CAMTA1: variants seen among roughly 807,000 people sequenced by gnomAD.
CAMTA1 encodes calmodulin binding transcription activator 1.
Under a neutral mutation model 170.9 loss-of-function variants are expected in CAMTA1, and 27 were observed. That is an observed-to-expected ratio of 0.16 (90% confidence interval 0.12 to 0.22). CAMTA1 has a LOEUF of 0.22. Ranked by LOEUF, CAMTA1 falls within the 10% of genes least tolerant of loss-of-function variation. The pLI is 1.00. For synonymous variants in CAMTA1, 833 were observed against 891.5 expected, an observed-to-expected ratio of 0.93 and a Z score of 1.17; for missense variants, 1,619 against 2,217.2, an observed-to-expected ratio of 0.73 and a Z score of 5.42.
intron 4 of CAMTA1, among the ~76,000 whole-genome samples, chr1:7,140,984 A>T (rs1645857235): frequency 6.6e-6 from 1 of 152,192 alleles, no homozygotes; most frequent in East Asian, 1.9e-4. Flanking sequence ...CTACCGACAG[A>T]AGATGAAGTA....
intron 3 of CAMTA1, among the ~76,000 whole-genome samples, chr1:6,854,717 T>C (rs1661644998): frequency 1.3e-5 from 2 of 152,144 alleles, no homozygotes; most frequent in Non-Finnish European, 2.9e-5. Flanking sequence ...ATTTGAAAAA[T>C]TGATCAGTAT....
chr1:6,828,616 T>C (rs537937640), intron 3 of CAMTA1, among the ~76,000 whole-genome samples: 21 of 152,162 alleles, frequency 1.4e-4, no homozygotes, highest in African/African-American at 4.6e-4. Context: ...TGAGCACCTG[T>C]TCTTTACTAC....
intron 3 of CAMTA1, among the ~76,000 whole-genome samples, chr1:6,919,610 G>A (rs1681551555): frequency 1.3e-5 from 2 of 152,304 alleles, no homozygotes; most frequent in Non-Finnish European, 2.9e-5. Flanking sequence ...GAACGCTGGT[G>A]GGTGTATTAG....
intron 5 of CAMTA1, among the ~76,000 whole-genome samples, chr1:7,344,784 G>T (rs953937522): frequency 1.2e-4 from 18 of 144,584 alleles, no homozygotes; most frequent in Non-Finnish European, 2.3e-4. Flanking sequence ...GTCTCGCTCT[G>T]TTGCCCAGGC....
At chr1:6,995,603 A>G (rs1697136834) in intron 3 of CAMTA1, among the ~76,000 whole-genome samples, 1 of 152,140 alleles carries the variant, frequency 6.6e-6, no homozygotes. Flanking sequence ...CACCTGGCCT[A>G]AAATCTTTGT....
chr1:7,107,282 G>GTA (rs1643693130), intron 4 of CAMTA1, among the ~76,000 whole-genome samples: 8 of 150,584 alleles, frequency 5.3e-5, no homozygotes, highest in African/African-American at 2.0e-4. Flanking sequence ...GTGTGCATGT[G>GTA]TGTGTGTGTG....
intron 3 of CAMTA1, among the ~76,000 whole-genome samples, chr1:6,881,735 G>A (rs1444114679): frequency 6.6e-6 from 1 of 152,180 alleles, no homozygotes; most frequent in Non-Finnish European, 1.5e-5. Flanking sequence ...CGGGAGGCCA[G>A]TGTGGGCGGA....
chr1:7,677,928 T>C lies in CAMTA1; in HGVS notation c.2914+195T>C, dbSNP rs973284579. Reference sequence around the variant, plus strand: ...CTGTCAGCCATTTGTGTCTGGACACTGGCTGGCCCCACCCTCAATCTCAGT... The same window carrying C: ...CTGTCAGCCATTTGTGTCTGGACACCGGCTGGCCCCACCCTCAATCTCAGT... On this transcript the variant is annotated intron_variant, in intron 11 of 22. Transcript: ENST00000303635. Among the ~76,000 whole-genome samples, 14 of 152,344 alleles carry C rather than the reference T, an allele frequency of 9.2e-5. No homozygotes were observed. The East Asian group carries it at 2.7e-3, about 29-fold the overall frequency.
At chr1:7,193,457 T>C (rs1290638827) in intron 4 of CAMTA1, among the ~76,000 whole-genome samples, 3 of 151,936 alleles carry the variant, frequency 2.0e-5, no homozygotes, top group Non-Finnish European at 2.9e-5. Flanking sequence ...AGCAGGTGAC[T>C]GCAGCCCAAT....
chr1:6,868,854 A>T (rs1451279576), intron 3 of CAMTA1, among the ~76,000 whole-genome samples: 1 of 152,196 alleles, frequency 6.6e-6, no homozygotes, highest in Admixed American at 6.5e-5. Context: ...ACTCACAGAT[A>T]GGGCAGTGTA....
At chr1:7,458,902 A>T (rs999946839) in intron 5 of CAMTA1, among the ~76,000 whole-genome samples, 3 of 152,244 alleles carry the variant, frequency 2.0e-5, no homozygotes, top group African/African-American at 7.2e-5. Context: ...ATTTAGCTCA[A>T]ACTCGTTTTA....
At chr1:6,960,029 T>G (rs1426825133) in intron 3 of CAMTA1, among the ~76,000 whole-genome samples, 1 of 152,202 alleles carries the variant, frequency 6.6e-6, no homozygotes, top group Non-Finnish European at 1.5e-5. Context: ...ATGAGGAAAT[T>G]GAGGCATGAG....
At chr1:7,498,491 G>C (rs2093882049) in intron 6 of CAMTA1, among the ~76,000 whole-genome samples, 1 of 149,420 alleles carries the variant, frequency 6.7e-6, no homozygotes, top group Admixed American at 6.6e-5. Context: ...GCATGTATGA[G>C]AGTGAGTGTG....
Position 7,529,914 on chromosome 1 carries a change from G to C in CAMTA1, c.510+62013G>C, listed in dbSNP as rs552667913. On this transcript the variant is annotated intron_variant, in intron 6 of 22. Coordinates refer to ENST00000303635, the MANE Select transcript of CAMTA1 (RefSeq NM_015215.4). ...AGGCCACATGCTGGCAACATATCCA[G>C]AAAAGGCTGGATAAGAAGCTTCCTG... Among the ~76,000 whole-genome samples, 6 of 152,364 alleles carry C rather than the reference G, an allele frequency of 3.9e-5. No individual in the cohort carries two copies. In the South Asian group the frequency reaches 1.0e-3, roughly 26 times the overall value.
intron 3 of CAMTA1, among the ~76,000 whole-genome samples, chr1:6,926,438 C>CTCTCTCTT (rs1553187940): frequency 1.6e-5 from 2 of 126,088 alleles, no homozygotes; most frequent in Non-Finnish European, 3.3e-5. Context: ...TCTTTCTTTT[C>CTCTCTCTT]TCTTTCTTTC....
rs549820595 is a variant in CAMTA1, at chr1:7,659,779, A to G, written c.665-1947A>G. Among the ~76,000 whole-genome samples the G allele has an allele frequency of 3.9e-5, 6 of 152,386 alleles. No individual in the cohort carries two copies. In the East Asian group the frequency reaches 9.6e-4, roughly 24 times the overall value. Reference sequence around the variant, plus strand: ...TGTCACAGTCATTACTGTCATCACCATCATCACTAGTGATGTTATGACAAC... The same window carrying G: ...TGTCACAGTCATTACTGTCATCACCGTCATCACTAGTGATGTTATGACAAC... On this transcript the variant is annotated intron_variant, in intron 7 of 22. Transcript: ENST00000303635.
intron 3 of CAMTA1, among the ~76,000 whole-genome samples, chr1:6,893,639 G>C (rs1287424738): frequency 6.6e-6 from 1 of 152,124 alleles, no homozygotes; most frequent in Non-Finnish European, 1.5e-5. Context: ...ATGTTCCATC[G>C]GGCTTCTGCA....
rs1314438395 is a variant in CAMTA1, at chr1:7,642,063, C to T, written c.664+1510C>T. ...GCCCCTCTCCCTGGCTCTGCCTGCT[C>T]ACCCCACCTTTCCCTCAGCTCTCAG... On this transcript the variant is annotated intron_variant, in intron 7 of 22. Transcript: ENST00000303635. This position sits in a 1 kb window ranked among gnomAD's most constrained non-coding sequence, Gnocchi z 6.3. 1.3e-5 allele frequency among the ~76,000 whole-genome samples: 2 copies of T among 151,900 alleles called. No homozygotes were observed. The highest frequency in any genetic ancestry group is 2.9e-5 in the Non-Finnish European group (2 of 67,952).
intron 3 of CAMTA1, among the ~76,000 whole-genome samples, chr1:6,863,352 C>G (rs968246405): frequency 6.6e-6 from 1 of 152,052 alleles, no homozygotes; most frequent in Non-Finnish European, 1.5e-5. Context: ...GAGTTCAGGC[C>G]CTTCTCTATA....
Sources: allele counts gnomAD v4.1 joint callset (sites outside exome capture counted in the v4.1 genomes callset), GRCh38; gene constraint gnomAD v4.1.1; non-coding constraint Gnocchi (gnomAD v3.1); transcripts MANE v1.5; gene names NCBI Gene and HGNC (gene_info 2026-07-23, HGNC 2026-07-21).